The following DENND4A variants were observed in gnomAD, a reference collection of about 807,000 sequenced individuals.
DENND4A encodes C-myc promoter-binding protein.
Under a neutral mutation model 199.3 loss-of-function variants are expected in DENND4A, and 70 were observed. The observed-to-expected ratio is 0.35, with a 90% CI of 0.29 to 0.43. The LOEUF is 0.43. DENND4A is among the 20% of genes least tolerant of loss of function. DENND4A has a pLI of 1.00. For synonymous variants in DENND4A, 686 were observed against 766.9 expected, an observed-to-expected ratio of 0.89 and a Z score of 1.74; for missense variants, 1,723 against 2,255.8, an observed-to-expected ratio of 0.76 and a Z score of 4.78.
Position 65,786,732 on chromosome 15 carries a change from CAG to C in DENND4A, c.-102+5276_-102+5277del, listed in dbSNP as rs562915563. Among the ~76,000 whole-genome samples the C allele has an allele frequency of 6.2e-4, 94 of 152,204 alleles. 1 individual carries two copies. The East Asian group carries it at 0.016, about 27-fold the overall frequency. On this transcript the variant is annotated intron_variant, in intron 1 of 32. Transcript: ENST00000443035. ...TACCTAAGGTCACAAAATTAAGTAG[CAG>C]AGTCAAGATTCACACCAAGGGAGTA...
intron 27 of DENND4A, among the ~76,000 whole-genome samples, chr15:65,668,832 A>G (rs1431479930): frequency 2.6e-5 from 4 of 152,200 alleles, no homozygotes; most frequent in Admixed American, 2.6e-4. Flanking sequence ...AAAAAAAAAA[A>G]AGAATCAGAG....
chr15:65,737,951 A>G lies in DENND4A; in HGVS notation c.802-6T>C. 1 of 1,568,528 alleles carries G rather than the reference A, an allele frequency of 6.4e-7. No homozygotes were observed. Among genetic ancestry groups the G allele is most frequent in the Non-Finnish European group, 8.7e-7 (1 of 1,155,102 alleles). ...TGAATAGCAGCACCATAAACCTGCAAAACAAGTAATATATCCAGTAAATAT... is the reference window on the plus strand; with the variant it reads ...TGAATAGCAGCACCATAAACCTGCAGAACAAGTAATATATCCAGTAAATAT... On this transcript the variant is annotated splice_region_variant and splice_polypyrimidine_tract_variant and intron_variant, in intron 6 of 32. Transcript: ENST00000443035.
Position 65,702,785 on chromosome 15 carries a change from T to C in DENND4A, c.2223+88A>G, listed in dbSNP as rs893034674. 25 of 1,237,866 alleles carry C rather than the reference T, an allele frequency of 2.0e-5. No individual in the cohort carries two copies. In the East Asian group the frequency reaches 5.6e-4, roughly 28 times the overall value. 76.7% of individuals were successfully genotyped at this position (1,237,866 alleles called of 1,614,324 possible). ...ATAATAATCTAGTAATAGTTATATA[T>C]GAAGTGATAAAGCATATTACGGGAG... On this transcript the variant is annotated intron_variant, in intron 16 of 32. Coordinates refer to ENST00000443035, the MANE Select transcript of DENND4A (RefSeq NM_001320835.1).
chr15:65,755,738 C>A (rs924027215), intron 3 of DENND4A, among the ~76,000 whole-genome samples: 1 of 152,160 alleles, frequency 6.6e-6, no homozygotes, highest in African/African-American at 2.4e-5. Context: ...TGCACTCCAG[C>A]TGGGTGATAG....
chr15:65,779,340 C>T (rs1279708602), intron 1 of DENND4A, among the ~76,000 whole-genome samples: 1 of 151,092 alleles, frequency 6.6e-6, no homozygotes, highest in Non-Finnish European at 1.5e-5. Context: ...CCTATAATCC[C>T]AGCTACTCGG....
chr15:65,732,410 T>C (rs568208548), intron 8 of DENND4A, among the ~76,000 whole-genome samples: 144 of 152,254 alleles, frequency 9.5e-4, no homozygotes, highest in Non-Finnish European at 1.8e-3. Flanking sequence ...TTGAAATTTA[T>C]GCACACACAA....
chr15:65,767,408 T>C (rs1204275165), intron 1 of DENND4A: 1 of 152,228 alleles, frequency 6.6e-6, no homozygotes, highest in Non-Finnish European at 1.5e-5. Flanking sequence ...GAACAGTACC[T>C]GGCAAATAGT....
chr15:65,729,733 T>G (rs900421515), intron 9 of DENND4A, 55 bp from the exon 10 acceptor site: 5 of 1,480,650 alleles, frequency 3.4e-6, no homozygotes, highest in Non-Finnish European at 4.5e-6. Context: ...AACACCTCAT[T>G]ATCTAAAACA....
rs138148331 is a variant in DENND4A at position 65,755,413 on chromosome 15, C to A, written c.311+727G>T. Among the ~76,000 whole-genome samples, 62 of 152,222 alleles carry A rather than the reference C, an allele frequency of 4.1e-4. No individual in the cohort carries two copies. The East Asian group carries it at 0.012, about 28-fold the overall frequency. ...CGAATTGTATCTCAATAATAAAGCA[C>A]CCTAAGTAAAGCTCTAATTTACCCC... On this transcript the variant is annotated intron_variant, in intron 3 of 32. Transcript: ENST00000443035.
intron 1 of DENND4A, among the ~76,000 whole-genome samples, chr15:65,777,148 A>G (rs2077304821): frequency 6.6e-6 from 1 of 152,118 alleles, no homozygotes; most frequent in South Asian, 2.1e-4. Flanking sequence ...AGCCTGGGCG[A>G]CAGAGTAAGA....
intron 1 of DENND4A, chr15:65,771,785 C>T (rs1485333082): frequency 1.2e-6 from 2 of 1,613,590 alleles, no homozygotes; most frequent in African/African-American, 1.3e-5. Context: ...TGGTTACATG[C>T]TTGTTCTTCA....
At chr15:65,762,606 G>C (rs895383435) in intron 1 of DENND4A, among the ~76,000 whole-genome samples, 5 of 152,144 alleles carry the variant, frequency 3.3e-5, no homozygotes, top group African/African-American at 1.2e-4. Flanking sequence ...TCCAGCCTGG[G>C]TAACAGAGTA....
chr15:65,785,694 T>C (rs1328469675), intron 1 of DENND4A, among the ~76,000 whole-genome samples: 2 of 152,048 alleles, frequency 1.3e-5, no homozygotes, highest in African/African-American at 2.4e-5. Flanking sequence ...ATAATAGTTA[T>C]CACATTGAAT....
intron 4 of DENND4A, among the ~76,000 whole-genome samples, chr15:65,745,163 TATTCAAAAACATAA>T (rs1283167709): frequency 1.3e-5 from 2 of 152,298 alleles, no homozygotes; most frequent in East Asian, 3.9e-4. Flanking sequence ...ATCTCCTGAG[TATTCAAAAACATAA>T]ATCTTTGCTT....
Position 65,696,419 on chromosome 15 carries a change from C to A in DENND4A, c.3029G>T (p.Arg1010Leu). 1.2e-6 allele frequency: 2 copies of A among 1,612,620 alleles called. No individual in the cohort carries two copies. Among genetic ancestry groups the A allele is most frequent in the Non-Finnish European group, 1.7e-6 (2 of 1,178,998 alleles). The stretch of plus-strand genomic sequence containing the variant: ...ACTGTTGTTACTTGTACCAGTGAGG[C>A]GAACGATACTGGAAGAATTTTGATA... ...LSYQNSSSIV[R>L]LTGTSNNSAG... is the part of the protein sequence containing the mutation. Residue 1010 changes from arginine to leucine, a missense_variant, in exon 22 of 33, where the codon CGC becomes CTC. Physicochemically the swap from Arg to Leu is moderately radical, Grantham distance 102. This residue lies in a region of DENND4A where 650 missense variants were observed against 738.1 expected (regional missense o/e 0.88). Transcript: ENST00000443035.
At chr15:65,704,482 T>C (rs4776699) in intron 15 of DENND4A, among the ~76,000 whole-genome samples, 147,318 of 152,298 alleles carry the variant, frequency 0.97, 71,248 homozygotes, top group East Asian at 1. Flanking sequence ...AAGTGATCCT[T>C]CCACCTCAGC....
At chr15:65,719,152 T>C (rs1339486336) in intron 12 of DENND4A, 1 of 151,974 alleles carries the variant, frequency 6.6e-6, no homozygotes, top group Non-Finnish European at 1.5e-5. Context: ...ATACATATTT[T>C]ATATAATACA....
intron 26 of DENND4A, 40 bp downstream of exon 26, chr15:65,669,973 G>C (rs1055665654): frequency 6.2e-7 from 1 of 1,601,682 alleles, no homozygotes; most frequent in Non-Finnish European, 8.5e-7. Context: ...ATATTATAGG[G>C]AACATGATCC....
intron 4 of DENND4A, among the ~76,000 whole-genome samples, chr15:65,751,966 G>A (rs1457469629): frequency 6.6e-5 from 10 of 151,968 alleles, no homozygotes; most frequent in Admixed American, 1.3e-4. Flanking sequence ...ATATTTGCAT[G>A]TTGGAGGAAA....
Sources: allele counts gnomAD v4.1 joint callset (sites outside exome capture counted in the v4.1 genomes callset), GRCh38; gene constraint gnomAD v4.1.1; regional missense constraint gnomAD v4.1.1; transcripts MANE v1.5; gene names NCBI Gene and HGNC (gene_info 2026-07-23, HGNC 2026-07-21).